The following DNAH17 variants were observed in gnomAD, a reference collection of about 807,000 sequenced individuals.
DNAH17 encodes axonemal beta dynein heavy chain 17.
DNAH17 carries 376 observed loss-of-function variants against 485.6 expected under a neutral mutation model. That is an observed-to-expected ratio of 0.77 (90% CI 0.71 to 0.84). The LOEUF (loss-of-function observed/expected upper bound fraction) is 0.84, where lower values mean the gene tolerates loss of function less well. Ranked by LOEUF, DNAH17 falls within the 40% of genes least tolerant of loss-of-function variation. DNAH17 has a pLI of 0.00. For synonymous variants in DNAH17, 3,031 were observed against 2,405.9 expected, an observed-to-expected ratio of 1.26 and a Z score of -7.60; for missense variants, 6,370 against 5,839.3, an observed-to-expected ratio of 1.09 and a Z score of -2.96.
chr17:78,467,362 G>A (rs1193300696), intron 55 of DNAH17, among the ~76,000 whole-genome samples: 2 of 152,182 alleles, frequency 1.3e-5, no homozygotes, highest in African/African-American at 4.8e-5. Flanking sequence ...GGTGTTGCAC[G>A]GACGCTGCCA....
At chr17:78,481,521 C>T (rs756267514) in intron 48 of DNAH17, among the ~76,000 whole-genome samples, 1 of 152,136 alleles carries the variant, frequency 6.6e-6, no homozygotes, top group Non-Finnish European at 1.5e-5. Context: ...CAGCTCTTCC[C>T]CTAAGCAGTG....
chr17:78,483,846 C>T (rs1237636240), intron 48 of DNAH17, among the ~76,000 whole-genome samples: 1 of 151,946 alleles, frequency 6.6e-6, no homozygotes, highest in Admixed American at 6.6e-5. Context: ...CCTCTAATCC[C>T]AGCACTTTGT....
intron 16 of DNAH17, among the ~76,000 whole-genome samples, chr17:78,545,195 A>G (rs1481589991): frequency 6.6e-6 from 1 of 152,194 alleles, no homozygotes; most frequent in African/African-American, 2.4e-5. Context: ...GAGTACTTAT[A>G]GTTTTTCTAC....
rs541651978 is a variant in DNAH17, at chr17:78,494,229, C to A, written c.6271-56G>T. 5.1e-6 allele frequency: 8 copies of A among 1,570,750 alleles called. No homozygotes were observed. The Admixed American group carries it at 1.2e-4, about 24-fold the overall frequency. ...AACTGAAGCAGCTTTTCTTTCTTCTCGCTGGGAGGCTGGGGGGCTTCCTGC... is the reference window on the plus strand; with the variant it reads ...AACTGAAGCAGCTTTTCTTTCTTCTAGCTGGGAGGCTGGGGGGCTTCCTGC... On this transcript the variant is annotated intron_variant, in intron 40 of 80. Coordinates refer to ENST00000389840, the MANE Select transcript of DNAH17 (RefSeq NM_173628.4).
At chr17:78,547,195 A>T (rs555888424) in intron 16 of DNAH17, among the ~76,000 whole-genome samples, 1 of 152,226 alleles carries the variant, frequency 6.6e-6, no homozygotes, top group African/African-American at 2.4e-5. Flanking sequence ...TCTCCTTGGT[A>T]CTCTAGAATG....
At chr17:78,480,013 C>T (rs112032596) in intron 49 of DNAH17, among the ~76,000 whole-genome samples, 45 of 70,520 alleles carry the variant, frequency 6.4e-4, no homozygotes, top group Middle Eastern at 9.6e-3. Context: ...ACAACAAGTA[C>T]TTTTTTTTTT....
At chr17:78,519,167 CAAAAAAAAAA>C (rs71161610) in intron 25 of DNAH17, among the ~76,000 whole-genome samples, 1 of 75,598 alleles carries the variant, frequency 1.3e-5, no homozygotes, top group Non-Finnish European at 2.4e-5. Flanking sequence ...GACTCCGTCT[CAAAAAAAAAA>C]AAAAAAAAAA....
At chr17:78,492,513 G>C in intron 42 of DNAH17, 120 bp downstream of exon 42, 1 of 1,400,596 alleles carries the variant, frequency 7.1e-7, no homozygotes, top group African/African-American at 1.4e-5. Context: ...CAGGCCACGT[G>C]CCTGTGTGCC....
chr17:78,513,594 C>A (rs1321728156), intron 26 of DNAH17, among the ~76,000 whole-genome samples: 2 of 152,176 alleles, frequency 1.3e-5, no homozygotes, highest in African/African-American at 4.8e-5. Flanking sequence ...CGCTACCACG[C>A]TCGGCTGATT....
chr17:78,475,181 C>G, intron 54 of DNAH17, 97 bp downstream of exon 54: 2 of 1,357,704 alleles, frequency 1.5e-6, no homozygotes, highest in Non-Finnish European at 2.0e-6. Context: ...CTCGGATTCC[C>G]TGTACTCGCT....
Position 78,486,384 on chromosome 17 carries a change from G to A in DNAH17, c.6941C>T (p.Thr2314Met), listed in dbSNP as rs753233839. ...DKLRFGFKKITPVPEITVIQT... is the reference protein window; with the variant it reads ...DKLRFGFKKIMPVPEITVIQT... Reference sequence around the variant, plus strand: ...GATCACCGTGATCTCCGGCACTGGCGTGATCTTCTTGAACCCAAAGCGCAA... The same window carrying A: ...GATCACCGTGATCTCCGGCACTGGCATGATCTTCTTGAACCCAAAGCGCAA... Residue 2314 changes from threonine to methionine, a missense_variant, in exon 45 of 81, where the codon ACG becomes ATG. Coordinates refer to ENST00000389840, the MANE Select transcript of DNAH17 (RefSeq NM_173628.4). The A allele has an allele frequency of 7.4e-6, 12 of 1,613,738 alleles. No homozygotes were observed. The highest frequency in any genetic ancestry group is 4.5e-5 in the East Asian group (2 of 44,890).
chr17:78,519,637 T>C (rs1359565004), intron 25 of DNAH17, among the ~76,000 whole-genome samples: 1 of 152,208 alleles, frequency 6.6e-6, no homozygotes, highest in African/African-American at 2.4e-5. Flanking sequence ...TAGAGGATAG[T>C]ATGGAACTAG....
intron 69 of DNAH17, among the ~76,000 whole-genome samples, chr17:78,447,969 C>T (rs568831601): frequency 4.6e-5 from 7 of 152,102 alleles, no homozygotes; most frequent in South Asian, 4.2e-4. Flanking sequence ...ATCGGGAGTT[C>T]GAGACCAGCC....
At position 78,437,690 on chromosome 17, in the gene DNAH17, G is replaced by A; in HGVS notation, c.11984C>T (p.Pro3995Leu). 1 of 1,612,254 alleles carries A rather than the reference G, an allele frequency of 6.2e-7. No individual in the cohort carries two copies. The highest frequency in any genetic ancestry group is 2.2e-5 in the East Asian group (1 of 44,862). ...ENAIKITNEP[P>L]TGMHANLHKA... The stretch of plus-strand genomic sequence containing the variant: ...GTGCAAGTTGGCGTGCATGCCCGTG[G>A]GGGGCTCGTTGGTGATCTTGATGGC... Residue 3995 changes from proline (P) to leucine (L), a missense_variant, in exon 74 of 81, where the codon CCC (proline) becomes CTC (leucine). Coordinates refer to ENST00000389840, the MANE Select transcript of DNAH17 (RefSeq NM_173628.4).
At chr17:78,479,688 G>A (rs570930622) in intron 49 of DNAH17, 56 bp from the exon 50 acceptor site, 5 of 1,601,416 alleles carry the variant, frequency 3.1e-6, no homozygotes, top group Non-Finnish European at 3.4e-6. Context: ...CCTGCCTGGG[G>A]CCAGGGCCAC....
In DNAH17 at chr17:78,525,104, C is replaced by T. The variant is rs367868816; in HGVS notation, c.3769G>A (p.Gly1257Ser). 2.5e-6 allele frequency: 4 copies of T among 1,613,700 alleles called. No homozygotes were observed. In the African/African-American group the frequency reaches 5.3e-5, roughly 22 times the overall value. Residue 1257 changes from glycine to serine, a missense_variant, in exon 25 of 81, where the codon GGC becomes AGC. Physicochemically the swap from Gly to Ser is moderately conservative, Grantham distance 56. Coordinates refer to ENST00000389840, the MANE Select transcript of DNAH17 (RefSeq NM_173628.4). ...GIMEALSKSG[G>S]LFEVPVPDYK... is the part of the protein sequence containing the mutation. ...TCTGGGACGGGGACCTCGAACAGGC[C>T]CCCGGACTTGGACAGCGCCTCCATG...
chr17:78,528,627 C>T (rs1428443029), intron 22 of DNAH17, among the ~76,000 whole-genome samples: 2 of 151,924 alleles, frequency 1.3e-5, no homozygotes, highest in Non-Finnish European at 2.9e-5. Flanking sequence ...TTGGAAACTC[C>T]AGGCCAGACT....
In DNAH17 at chr17:78,560,813, T is replaced by A; in HGVS notation, c.1958A>T (p.His653Leu). Residue 653 changes from histidine to leucine, a missense_variant, in exon 13 of 81, where the codon CAC becomes CTC. Transcript: ENST00000389840. ...AATCAGCGGCTGCCCCAGGTTAAAG[T>A]GGCAGTCCTGGTCCACGCCCGCCAC... ...QWVAGVDQDCHFNLGQPLILR... is the reference protein window; with the variant it reads ...QWVAGVDQDCLFNLGQPLILR... The A allele has an allele frequency of 5.8e-6, 9 of 1,551,836 alleles. No homozygotes were observed. The highest frequency in any genetic ancestry group is 7.8e-6 in the Non-Finnish European group (9 of 1,147,116).
rs755205501 is a variant in DNAH17, at chr17:78,501,882, G to T, written c.5191-9C>A. On this transcript the variant is annotated splice_polypyrimidine_tract_variant and intron_variant, in intron 33 of 80. Coordinates refer to ENST00000389840, the MANE Select transcript of DNAH17 (RefSeq NM_173628.4). ...ACGTTCAGCTGGCTAATCTGCGGGG[G>T]AGAGTGCCTTCGATGAGACACCACG... The T allele has an allele frequency of 2.5e-6, 4 of 1,613,914 alleles. No individual in the cohort carries two copies. In the South Asian group the frequency reaches 3.3e-5, roughly 13 times the overall value.
Sources: gnomAD v4.1 joint callset for allele counts (sites outside exome capture counted in the v4.1 genomes callset) on GRCh38, gnomAD v4.1.1 for gene constraint, MANE v1.5 for transcripts, NCBI Gene and HGNC (gene_info 2026-07-23, HGNC 2026-07-21) for gene names.